Variants in FUBP3 observed in about 807,000 individuals in gnomAD.
FUBP3 encodes the protein far upstream element-binding protein 3.
FUBP3 carries 28 observed loss-of-function variants against 85.6 expected under a neutral mutation model. That is an observed-to-expected ratio of 0.33 (90% CI 0.24 to 0.45). FUBP3 has a LOEUF of 0.45. Among genes scored for constraint, FUBP3 ranks in the 20% least tolerant of loss-of-function variants. FUBP3 has a pLI of 1.00. For synonymous variants in FUBP3, 271 were observed against 271.4 expected, an observed-to-expected ratio of 1.00 and a Z score of 0.01; for missense variants, 583 against 755.1, an observed-to-expected ratio of 0.77 and a Z score of 2.67.
chr9:130,597,409 C>G (rs1830925215), intron 2 of FUBP3, among the ~76,000 whole-genome samples: 1 of 152,164 alleles, frequency 6.6e-6, no homozygotes, highest in Non-Finnish European at 1.5e-5. Flanking sequence ...AAACCCAAGC[C>G]AAACCAAACA....
chr9:130,610,063 C>A, intron 3 of FUBP3, 76 bp downstream of exon 3: 1 of 1,163,068 alleles, frequency 8.6e-7, no homozygotes. Flanking sequence ...TACTAGAGTG[C>A]TAGAAAGTCA....
intron 2 of FUBP3, among the ~76,000 whole-genome samples, chr9:130,600,841 T>C (rs1197661059): frequency 6.6e-6 from 1 of 151,972 alleles, no homozygotes; most frequent in Non-Finnish European, 1.5e-5. Flanking sequence ...CTGGGTGTGG[T>C]GGTGCATGCC....
chr9:130,595,300 T>C (rs1203142415), intron 1 of FUBP3, among the ~76,000 whole-genome samples, 183 bp from the exon 2 acceptor site: 2 of 152,032 alleles, frequency 1.3e-5, no homozygotes, highest in African/African-American at 4.8e-5. Flanking sequence ...GACAAGTTAT[T>C]ATTAAGACCA....
chr9:130,614,721 C>T (rs1393187121), intron 6 of FUBP3, among the ~76,000 whole-genome samples: 1 of 152,154 alleles, frequency 6.6e-6, no homozygotes, highest in African/African-American at 2.4e-5. Flanking sequence ...AATCCTGGTA[C>T]CAGGACTTTT....
In FUBP3 at chr9:130,616,485, G is replaced by A; in HGVS notation, c.535G>A (p.Gly179Ser). 1 of 1,614,094 alleles carries A rather than the reference G, an allele frequency of 6.2e-7. No homozygotes were observed. Among genetic ancestry groups the A allele is most frequent in the Non-Finnish European group, 8.5e-7 (1 of 1,180,004 alleles). ...CGCATCTAAAGTGGGTCTGGTCATC[G>A]GCAGAGGAGGGGAAACAATCAAGCA... is the stretch of plus-strand genomic sequence containing the variant. ...IPASKVGLVI[G>S]RGGETIKQLQ... Residue 179 changes from glycine to serine, a missense_variant, in exon 7 of 19, where the codon GGC (glycine) becomes AGC (serine). Physicochemically the swap from Gly to Ser is moderately conservative, Grantham distance 56 (BLOSUM62 0). Transcript: ENST00000319725. The surrounding 1 kb of genome is among the most constrained non-coding windows in gnomAD (Gnocchi z 4.7).
chr9:130,622,468 C>T (rs1829798816), intron 9 of FUBP3, among the ~76,000 whole-genome samples: 2 of 151,870 alleles, frequency 1.3e-5, no homozygotes, highest in African/African-American at 4.8e-5. Context: ...CTCATCTGTA[C>T]TAAAAATACA....
chr9:130,633,123 T>G (rs986692702), intron 16 of FUBP3, among the ~76,000 whole-genome samples: 1 of 152,246 alleles, frequency 6.6e-6, no homozygotes, highest in African/African-American at 2.4e-5. Flanking sequence ...TGTGTGGCCT[T>G]AGGCACGCCC....
rs1830228666 is a variant in FUBP3, at chr9:130,631,942, T to G, written c.1353T>G (p.Asn451Lys). ...TGTTGTTTCTTTTACCTTTTCCCAGTACCTTTCCTCCAAGGAGCTCCGGGT... is the reference window on the plus strand; with the variant it reads ...TGTTGTTTCTTTTACCTTTTCCCAGGACCTTTCCTCCAAGGAGCTCCGGGT... ...FSQPPAPPHQ[N>K]TFPPRSSGCF... The change falls in exon 15 of 19, where the codon AAT becomes AAG. Residue 451 changes from asparagine to lysine, a missense_variant and splice_region_variant. Around this residue, in one of 3 missense-constraint regions of FUBP3, gnomAD observed 404 missense variants for 516.8 expected, o/e 0.78. Coordinates refer to ENST00000319725, the MANE Select transcript of FUBP3 (RefSeq NM_003934.2). 3.7e-6 allele frequency: 6 copies of G among 1,608,802 alleles called. No homozygotes were observed. Among genetic ancestry groups the G allele is most frequent in the Admixed American group, 1.7e-5 (1 of 60,004 alleles).
intron 1 of FUBP3, among the ~76,000 whole-genome samples, chr9:130,582,318 G>T (rs144120192): frequency 4.6e-5 from 7 of 152,120 alleles, no homozygotes; most frequent in African/African-American, 1.7e-4. Context: ...TGGATGTGGT[G>T]GCCCACCCCT....
At chr9:130,631,505 G>A (rs975029294) in intron 13 of FUBP3, 52 bp from the exon 14 acceptor site, 5 of 1,528,006 alleles carry the variant, frequency 3.3e-6, no homozygotes, top group African/African-American at 1.4e-5. Context: ...CTGGGCAGAG[G>A]AAAGAGGTGT....
rs376352946 is a variant in FUBP3 at position 130,636,023 on chromosome 9, A to C, written c.1607A>C (p.Gln536Pro). ...GGTCACGCCGCCAGCGCTGCTCCTC[A>C]GGCCAGCTCCCCACCGGACTACACA... Reference protein sequence around the residue: ...KQSHAASAAPQASSPPDYTMA... With the variant: ...KQSHAASAAPPASSPPDYTMA... The change falls in exon 18 of 19, where the codon CAG becomes CCG. Residue 536 changes from glutamine (Q) to proline (P), a missense_variant. Gln to Pro is a moderately conservative substitution (Grantham distance 76). This residue lies in a region of FUBP3 where 404 missense variants were observed against 516.8 expected (regional missense o/e 0.78). Coordinates refer to ENST00000319725, the MANE Select transcript of FUBP3 (RefSeq NM_003934.2). The C allele has an allele frequency of 1.8e-5, 29 of 1,610,660 alleles. 1 individual carries two copies. The Middle Eastern group carries it at 9.9e-4, about 55-fold the overall frequency.
chr9:130,630,184 C>G (rs1830155004), intron 12 of FUBP3, among the ~76,000 whole-genome samples: 1 of 152,228 alleles, frequency 6.6e-6, no homozygotes, highest in Non-Finnish European at 1.5e-5. Flanking sequence ...TGCCCACAGC[C>G]AGGCTGAAGG....
rs751432229 is a variant in FUBP3, at chr9:130,579,730, A to T, written c.50A>T (p.Glu17Val). 1 of 1,279,938 alleles carries T rather than the reference A, an allele frequency of 7.8e-7. No individual in the cohort carries two copies. Among genetic ancestry groups the T allele is most frequent in the Non-Finnish European group, 9.9e-7 (1 of 1,009,996 alleles). The allele number at this position is 1,279,938 out of a possible 1,614,324, so 79.3% of individuals were successfully genotyped here. A position where few individuals can be genotyped will look rare whatever the true frequency, so the allele number is the denominator to read the frequency against. ...AGCGCTCCTGTGGGGATGAAGGCCG[A>T]GGGCTTCGTGGATGCCCTGCACCGG... The part of the protein sequence containing the change: ...GQSAPVGMKA[E>V]GFVDALHRVR... Residue 17 changes from glutamate to valine, a missense_variant, in exon 1 of 19, where the codon GAG (glutamate) becomes GTG (valine). Glu to Val is a moderately radical substitution (Grantham distance 121). Transcript: ENST00000319725.
Position 130,612,456 on chromosome 9 carries a change from G to A in FUBP3, c.225G>A (p.Arg75=), listed in dbSNP as rs761060157. The A allele has an allele frequency of 2.5e-6, 4 of 1,590,222 alleles. No homozygotes were observed. The South Asian group carries it at 4.5e-5, about 18-fold the overall frequency. Residue 75 remains arginine (R), a splice_region_variant and synonymous_variant, in exon 4 of 19, where the codon AGG becomes AGA. Coordinates refer to ENST00000319725, the MANE Select transcript of FUBP3 (RefSeq NM_003934.2). This position sits in a 1 kb window ranked among gnomAD's most constrained non-coding sequence, Gnocchi z 4.1. Reference sequence around the variant, plus strand: ...TTTCCAAAATGTTCTTTGTTTTTAGGACGGTAATAACGGAAGAATTCAAAG... The same window carrying A: ...TTTCCAAAATGTTCTTTGTTTTTAGAACGGTAATAACGGAAGAATTCAAAG... ...GNQLGALVHQ[R]TVITEEFKVP... is the part of the protein sequence containing the mutation.
intron 16 of FUBP3, among the ~76,000 whole-genome samples, chr9:130,632,575 C>G (rs542862777): frequency 3.3e-4 from 51 of 152,360 alleles, no homozygotes; most frequent in African/African-American, 1.2e-3. Flanking sequence ...CACTTTCGTT[C>G]CCTATGCATG....
At chr9:130,630,224 A>C (rs1830156903) in intron 12 of FUBP3, among the ~76,000 whole-genome samples, 1 of 152,208 alleles carries the variant, frequency 6.6e-6, no homozygotes, top group South Asian at 2.1e-4. Context: ...CCCTTGGCTC[A>C]CCATTCTTGT....
intron 9 of FUBP3, 40 bp downstream of exon 9, chr9:130,620,498 G>C (rs762214601): frequency 1.1e-3 from 986 of 926,354 alleles, no homozygotes; most frequent in Non-Finnish European, 1.6e-3. Context: ...ATGAGATGAG[G>C]ACTAAAGTTG....
chr9:130,633,603 T>C (rs781758964), intron 16 of FUBP3, among the ~76,000 whole-genome samples: 5 of 152,174 alleles, frequency 3.3e-5, no homozygotes, highest in Non-Finnish European at 5.9e-5. Flanking sequence ...GAGCTTGGCT[T>C]TTTTTGTTTA....
chr9:130,582,029 T>TC (rs1346772909), intron 1 of FUBP3: 1 of 152,252 alleles, frequency 6.6e-6, no homozygotes, highest in Non-Finnish European at 1.5e-5. Flanking sequence ...GAGCATGGTA[T>TC]TCTTAGATTG....
Sources: allele counts gnomAD v4.1 joint callset (sites outside exome capture counted in the v4.1 genomes callset), GRCh38; gene constraint gnomAD v4.1.1; regional missense constraint gnomAD v4.1.1; non-coding constraint Gnocchi (gnomAD v3.1); transcripts MANE v1.5; gene names NCBI Gene and HGNC (gene_info 2026-07-23, HGNC 2026-07-21).